SCP2: variants seen among roughly 807,000 people sequenced by gnomAD.
SCP2 encodes SCP-2/3-oxoacyl-CoA thiolase.
A neutral mutation model predicts 71.4 loss-of-function variants in SCP2; 48 were observed. That is an observed-to-expected ratio of 0.67 (90% CI 0.53 to 0.86). SCP2 has a LOEUF of 0.86. Ranked by LOEUF, SCP2 falls within the 40% of genes least tolerant of loss-of-function variation. The pLI is 0.00. For missense variants in SCP2, 560 were observed against 655.6 expected, an observed-to-expected ratio of 0.85 and a Z score of 1.59; for synonymous variants, 220 against 218.1, an observed-to-expected ratio of 1.01 and a Z score of -0.08.
chr1:53,032,549 T>C (rs17107681), intron 13 of SCP2, among the ~76,000 whole-genome samples: 8,385 of 152,214 alleles, frequency 0.055, 653 homozygotes, highest in African/African-American at 0.18. Flanking sequence ...TACAAGCACT[T>C]GGCACGTAAG....
intron 13 of SCP2, among the ~76,000 whole-genome samples, chr1:53,029,705 A>G (rs1333410834): frequency 2.0e-5 from 3 of 152,218 alleles, no homozygotes; most frequent in Non-Finnish European, 4.4e-5. Context: ...GAAAGAACCC[A>G]GTATTCCCAG....
chr1:53,017,943 C>T (rs1661450448), intron 12 of SCP2, among the ~76,000 whole-genome samples: 1 of 152,192 alleles, frequency 6.6e-6, no homozygotes, highest in Admixed American at 6.5e-5. Flanking sequence ...CAACCTCCGC[C>T]TCCCAGGTGC....
At chr1:52,931,403 T>C (rs1242761430) in intron 1 of SCP2, among the ~76,000 whole-genome samples, 1 of 152,220 alleles carries the variant, frequency 6.6e-6, no homozygotes, top group Non-Finnish European at 1.5e-5. Context: ...CAGGTGACTT[T>C]ACCTTTTCTT....
chr1:53,036,334 CT>C (rs537998136), intron 13 of SCP2, among the ~76,000 whole-genome samples: 250 of 149,564 alleles, frequency 1.7e-3, no homozygotes, highest in South Asian at 4.0e-3. Context: ...CTCGTGCTAA[CT>C]TCTGGCTCTT....
intron 2 of SCP2, among the ~76,000 whole-genome samples, chr1:52,947,396 C>CT (rs1557550418): frequency 6.6e-6 from 1 of 151,272 alleles, no homozygotes; most frequent in African/African-American, 2.4e-5. Flanking sequence ...TTTTAGATGT[C>CT]TGTTTGCTGC....
rs564629056 is a variant in SCP2 at position 52,971,197 on chromosome 1, C to T, written c.524-3572C>T. On this transcript the variant is annotated intron_variant, in intron 6 of 15. Coordinates refer to ENST00000371514, the MANE Select transcript of SCP2 (RefSeq NM_002979.5). ...TTCACCGTGTTAGCCAGGATGGTCT[C>T]GATATCCCGACCTCGTGATCCACCC... Among the ~76,000 whole-genome samples the T allele has an allele frequency of 5.3e-5, 8 of 151,886 alleles. No homozygotes were observed. In the East Asian group the frequency reaches 7.7e-4, roughly 15 times the overall value.
chr1:52,964,559 T>G (rs939343779), intron 6 of SCP2, among the ~76,000 whole-genome samples: 1 of 152,200 alleles, frequency 6.6e-6, no homozygotes, highest in African/African-American at 2.4e-5. Flanking sequence ...TGTAATATAC[T>G]TTAAAAATAT....
At chr1:53,036,033 AAAAAAAAG>A (rs1336940528) in intron 13 of SCP2, among the ~76,000 whole-genome samples, 10 of 148,958 alleles carry the variant, frequency 6.7e-5, no homozygotes, top group Non-Finnish European at 1.5e-4. Flanking sequence ...AAAAAAAAAA[AAAAAAAAG>A]AAAACTGAGA....
intron 14 of SCP2, among the ~76,000 whole-genome samples, chr1:53,044,783 C>T (rs562293672): frequency 1.3e-5 from 2 of 152,288 alleles, no homozygotes; most frequent in Admixed American, 6.5e-5. Context: ...TTTCCTTTTG[C>T]ACTTGAAACC....
At chr1:52,932,110 A>G (rs1367021100) in intron 1 of SCP2, among the ~76,000 whole-genome samples, 1 of 152,216 alleles carries the variant, frequency 6.6e-6, no homozygotes, top group Non-Finnish European at 1.5e-5. Flanking sequence ...AAGATCCAAT[A>G]TCTAGTTAAT....
intron 5 of SCP2, among the ~76,000 whole-genome samples, chr1:52,958,029 A>G (rs1019663855): frequency 6.6e-6 from 1 of 152,132 alleles, no homozygotes; most frequent in Non-Finnish European, 1.5e-5. Flanking sequence ...TGAAAAGATT[A>G]TCTTTTTTCC....
intron 11 of SCP2, among the ~76,000 whole-genome samples, chr1:53,013,958 C>T (rs1422640106): frequency 1.4e-5 from 2 of 144,724 alleles, no homozygotes; most frequent in African/African-American, 5.1e-5. Flanking sequence ...TGCAGTGGCC[C>T]GATCTCAGCT....
At chr1:52,935,586 T>C (rs1476860699) in intron 1 of SCP2, among the ~76,000 whole-genome samples, 3 of 60,562 alleles carry the variant, frequency 5.0e-5, no homozygotes, top group Non-Finnish European at 1.1e-4. Context: ...CGAGACTCAG[T>C]CAAAAAAAAA....
intron 6 of SCP2, among the ~76,000 whole-genome samples, chr1:52,971,271 C>T (rs1383595042): frequency 1.3e-5 from 2 of 152,146 alleles, no homozygotes; most frequent in African/African-American, 2.4e-5. Context: ...CCACCGCTCC[C>T]GGCCGAGAGA....
chr1:53,000,354 T>A (rs1310046312), intron 11 of SCP2, among the ~76,000 whole-genome samples: 2 of 152,208 alleles, frequency 1.3e-5, no homozygotes, highest in African/African-American at 4.8e-5. Flanking sequence ...TGTAATCTAC[T>A]GAAAGGACAT....
chr1:52,972,348 G>C (rs12077241), intron 6 of SCP2, among the ~76,000 whole-genome samples: 4,010 of 152,260 alleles, frequency 0.026, 182 homozygotes, highest in African/African-American at 0.091. Flanking sequence ...CAGTGGCCAG[G>C]CTTAATAAAT....
In SCP2 at chr1:52,950,895, T is replaced by G; in HGVS notation, c.331+9T>G. The G allele has an allele frequency of 6.2e-7, 1 of 1,613,384 alleles. No individual in the cohort carries two copies. Among genetic ancestry groups the G allele is most frequent in the South Asian group, 1.1e-5 (1 of 91,056 alleles). ...CCAGCTGATTCAGGGTGGTAAGGAGTGCTTGTCTAGTGTACTTAAATATTG... is the reference window on the plus strand; with the variant it reads ...CCAGCTGATTCAGGGTGGTAAGGAGGGCTTGTCTAGTGTACTTAAATATTG... On this transcript the variant is annotated intron_variant, in intron 4 of 15. Coordinates refer to ENST00000371514, the MANE Select transcript of SCP2 (RefSeq NM_002979.5).
intron 11 of SCP2, among the ~76,000 whole-genome samples, chr1:53,005,352 T>C (rs945363197): frequency 6.6e-6 from 1 of 152,208 alleles, no homozygotes; most frequent in Non-Finnish European, 1.5e-5. Flanking sequence ...CCGAGTAGCC[T>C]AACTGGGAGA....
intron 2 of SCP2, 60 bp downstream of exon 2, chr1:52,941,913 T>A: frequency 8.0e-7 from 1 of 1,255,006 alleles, no homozygotes; most frequent in Non-Finnish European, 1.2e-6. Flanking sequence ...CTGTCTTGAT[T>A]TCATGGATGG....
Sources: gnomAD v4.1 joint callset for allele counts (sites outside exome capture counted in the v4.1 genomes callset) on GRCh38, gnomAD v4.1.1 for gene constraint, MANE v1.5 for transcripts, NCBI Gene and HGNC (gene_info 2026-07-23, HGNC 2026-07-21) for gene names.